NOX3: variants seen among roughly 807,000 people sequenced by gnomAD.
NOX3 encodes NADPH oxidase 3.
Under a neutral mutation model 76.7 loss-of-function variants are expected in NOX3, and 74 were observed. The observed-to-expected ratio is 0.96, with a 90% CI of 0.80 to 1.17. The LOEUF (loss-of-function observed/expected upper bound fraction) is 1.17. Ranked by LOEUF, NOX3 falls within the 50% of genes most tolerant of loss-of-function variation. The pLI is 0.00. For missense variants in NOX3, 695 were observed against 703.3 expected (o/e 0.99, Z 0.13); for synonymous variants, 263 against 261.1 (o/e 1.01, Z -0.07).
At chr6:155,425,483 T>G (rs1028650792) in intron 9 of NOX3, among the ~76,000 whole-genome samples, 1 of 152,168 alleles carries the variant, frequency 6.6e-6, no homozygotes, top group African/African-American at 2.4e-5. Context: ...CCCATTAAGT[T>G]CCAGTCTCAG....
chr6:155,408,377 A>G (rs1430154536), intron 11 of NOX3, among the ~76,000 whole-genome samples: 1 of 152,132 alleles, frequency 6.6e-6, no homozygotes, highest in Non-Finnish European at 1.5e-5. Flanking sequence ...CTGTGTTCCC[A>G]GTGCTCATCC....
chr6:155,439,655 C>G (rs1384362402), intron 6 of NOX3, among the ~76,000 whole-genome samples: 1 of 152,122 alleles, frequency 6.6e-6, no homozygotes, highest in Non-Finnish European at 1.5e-5. Flanking sequence ...GATGGCAGAA[C>G]AGGTACTGAA....
At chr6:155,397,069 A>C in intron 12 of NOX3, 107 bp from the exon 13 acceptor site, 1 of 1,061,130 alleles carries the variant, frequency 9.4e-7, no homozygotes, top group South Asian at 2.2e-5. Flanking sequence ...TTACTTATTT[A>C]TTTTTCTCCC....
At chr6:155,429,367 A>G (rs1776801679) in intron 8 of NOX3, among the ~76,000 whole-genome samples, 1 of 152,176 alleles carries the variant, frequency 6.6e-6, no homozygotes. Flanking sequence ...AAGACAGTAG[A>G]AGCTTGCATA....
intron 13 of NOX3, among the ~76,000 whole-genome samples, chr6:155,395,993 T>C (rs894726642): frequency 1.3e-5 from 2 of 152,172 alleles, no homozygotes; most frequent in Non-Finnish European, 2.9e-5. Flanking sequence ...TTTGTAAATA[T>C]ATGGCATATA....
At chr6:155,402,058 A>G (rs1201583566) in intron 12 of NOX3, among the ~76,000 whole-genome samples, 1 of 152,158 alleles carries the variant, frequency 6.6e-6, no homozygotes, top group Non-Finnish European at 1.5e-5. Context: ...TGACAACGGT[A>G]TTTTTATTTT....
At chr6:155,435,521 AG>A (rs1776890608) in intron 7 of NOX3, among the ~76,000 whole-genome samples, 1 of 121,148 alleles carries the variant, frequency 8.3e-6, no homozygotes. Context: ...AATATATTTG[AG>A]GGTTTTTTTT....
At chr6:155,414,226 T>C (rs115150814) in intron 10 of NOX3, among the ~76,000 whole-genome samples, 2,154 of 152,286 alleles carry the variant, frequency 0.014, 46 homozygotes, top group African/African-American at 0.049. Context: ...GTATTTACTT[T>C]GACTTTCTTT....
chr6:155,434,914 C>A (rs530762692), intron 7 of NOX3, among the ~76,000 whole-genome samples: 2 of 152,106 alleles, frequency 1.3e-5, no homozygotes, highest in African/African-American at 4.8e-5. Context: ...ATCAGAGCAC[C>A]GTGAAAACGC....
intron 12 of NOX3, among the ~76,000 whole-genome samples, chr6:155,406,359 A>G (rs1776458689): frequency 6.6e-6 from 1 of 152,220 alleles, no homozygotes. Flanking sequence ...CACAGCCAGT[A>G]ACTTCTAGAA....
In NOX3 at chr6:155,415,052, G is replaced by A. The variant is rs76046510; in HGVS notation, c.1309-3692C>T. ...CCTTAGTTTCACATCATTCCCAAGC[G>A]CTAATGATCAGCCCAAACTCAGCCA... On this transcript the variant is annotated intron_variant, in intron 10 of 13. Coordinates refer to ENST00000159060, the MANE Select transcript of NOX3 (RefSeq NM_015718.3). Among the ~76,000 whole-genome samples, 1,689 of 152,202 alleles carry A rather than the reference G, an allele frequency of 0.011. 65 individuals carry two copies. The East Asian group carries it at 0.13, about 12-fold the overall frequency.
At chr6:155,438,307 G>A (rs974793594) in intron 6 of NOX3, among the ~76,000 whole-genome samples, 10 of 152,170 alleles carry the variant, frequency 6.6e-5, no homozygotes, top group Non-Finnish European at 1.2e-4. Context: ...GTACAAAAAG[G>A]AATGTTGAGA....
intron 10 of NOX3, among the ~76,000 whole-genome samples, chr6:155,417,812 C>A (rs886929478): frequency 3.3e-5 from 5 of 151,978 alleles, no homozygotes; most frequent in African/African-American, 1.2e-4. Flanking sequence ...CTTTTTTGGC[C>A]TCTTTCCCTT....
intron 10 of NOX3, among the ~76,000 whole-genome samples, chr6:155,420,199 G>A (rs889618403): frequency 2.6e-5 from 4 of 152,130 alleles, no homozygotes; most frequent in Admixed American, 1.3e-4. Flanking sequence ...ATTGTGAGTC[G>A]GGTGTAATGA....
At chr6:155,438,071 A>G (rs1388853575) in intron 6 of NOX3, among the ~76,000 whole-genome samples, 1 of 152,194 alleles carries the variant, frequency 6.6e-6, no homozygotes, top group Non-Finnish European at 1.5e-5. Flanking sequence ...GTGCTTCTAC[A>G]ATGCACCAGG....
At chr6:155,445,100 G>C (rs1777044162) in intron 4 of NOX3, among the ~76,000 whole-genome samples, 1 of 152,116 alleles carries the variant, frequency 6.6e-6, no homozygotes, top group South Asian at 2.1e-4. Context: ...AAATCTGTTG[G>C]GAAGCCAGCA....
chr6:155,449,880 T>C (rs1460406352), intron 4 of NOX3, among the ~76,000 whole-genome samples: 1 of 152,166 alleles, frequency 6.6e-6, no homozygotes, highest in Non-Finnish European at 1.5e-5. Flanking sequence ...TGCTCCCAAG[T>C]GAATCTACCA....
At chr6:155,444,584 C>T (rs546861651) in intron 4 of NOX3, among the ~76,000 whole-genome samples, 2 of 152,268 alleles carry the variant, frequency 1.3e-5, no homozygotes, top group African/African-American at 2.4e-5. Context: ...CTAAGATCTA[C>T]GGTAAGAACA....
chr6:155,444,898 A>ATGTG (rs1562471729), intron 4 of NOX3, among the ~76,000 whole-genome samples: 1 of 152,218 alleles, frequency 6.6e-6, no homozygotes, highest in African/African-American at 2.4e-5. Context: ...ATAAATTTGC[A>ATGTG]TGTGTTATTT....
Sources: gnomAD v4.1 joint callset for allele counts (sites outside exome capture counted in the v4.1 genomes callset) on GRCh38, gnomAD v4.1.1 for gene constraint, MANE v1.5 for transcripts, NCBI Gene and HGNC (gene_info 2026-07-23, HGNC 2026-07-21) for gene names.